CLIC5: variants seen among roughly 807,000 people sequenced by gnomAD.
CLIC5 encodes chloride intracellular channel protein 5.
A neutral mutation model predicts 24.7 loss-of-function variants in CLIC5; 20 were observed. The ratio of observed to expected loss-of-function variants is 0.81; its 90% CI spans 0.57 to 1.18. The LOEUF (loss-of-function observed/expected upper bound fraction) is 1.18, where lower values mean the gene tolerates loss of function less well. Ranked by LOEUF, CLIC5 falls within the 50% of genes most tolerant of loss-of-function variation. The pLI, the probability that CLIC5 is intolerant of heterozygous loss-of-function variation, is 0.00. For synonymous variants in CLIC5, 159 were observed against 135.6 expected, an observed-to-expected ratio of 1.17 and a Z score of -1.20; for missense variants, 341 against 326.1, an observed-to-expected ratio of 1.05 and a Z score of -0.35.
At chr6:46,040,900 G>T (rs995768558) in intron 1 of CLIC5, among the ~76,000 whole-genome samples, 1 of 152,162 alleles carries the variant, frequency 6.6e-6, no homozygotes, top group Non-Finnish European at 1.5e-5. Context: ...TCTACCAAAA[G>T]ATATGATATG....
upstream of CLIC5, among the ~76,000 whole-genome samples, chr6:46,016,972 C>T (rs1767034051): frequency 6.6e-6 from 1 of 152,236 alleles, no homozygotes; most frequent in Non-Finnish European, 1.5e-5. Flanking sequence ...AGGTGACTAT[C>T]ATGACTACTC....
intron 1 of CLIC5, among the ~76,000 whole-genome samples, chr6:45,960,848 G>T (rs1194301871): frequency 1.3e-5 from 2 of 152,152 alleles, no homozygotes. Flanking sequence ...GACCAGCTCT[G>T]GCCTGATCAA....
At chr6:46,019,357 G>A (rs1767108597), upstream of CLIC5, among the ~76,000 whole-genome samples, 2 of 152,188 alleles carry the variant, frequency 1.3e-5, no homozygotes, top group African/African-American at 4.8e-5. Flanking sequence ...TTAAAAGTAA[G>A]AGGATGGAAA....
chr6:46,116,540 T>A, the CLIC5 span, among the ~76,000 whole-genome samples: 1 of 152,186 alleles, frequency 6.6e-6, no homozygotes, highest in African/African-American at 2.4e-5. Flanking sequence ...TGAGAAGCTT[T>A]AAAGCAAGTA....
At chr6:45,977,222 C>G (rs1412902654) in intron 1 of CLIC5, among the ~76,000 whole-genome samples, 2 of 151,978 alleles carry the variant, frequency 1.3e-5, no homozygotes. Flanking sequence ...ATTTTGCATG[C>G]TTTTTCCTAT....
chr6:45,956,520 G>A (rs1052321537), intron 1 of CLIC5, among the ~76,000 whole-genome samples: 1 of 148,720 alleles, frequency 6.7e-6, no homozygotes, highest in African/African-American at 2.5e-5. Context: ...ATGCGTTCTC[G>A]AAGCTCAACA....
At chr6:46,062,597 C>T (rs1581911715) in intron 1 of CLIC5, among the ~76,000 whole-genome samples, 1 of 152,172 alleles carries the variant, frequency 6.6e-6, no homozygotes, top group Non-Finnish European at 1.5e-5. Flanking sequence ...AGTTTTCTAA[C>T]CTTTGTCCTC....
upstream of CLIC5, among the ~76,000 whole-genome samples, chr6:46,084,390 A>G (rs1236789311): frequency 1.3e-5 from 2 of 152,208 alleles, no homozygotes; most frequent in African/African-American, 4.8e-5. Flanking sequence ...ACATTTTGGC[A>G]TGATTTTGCA....
downstream of CLIC5, among the ~76,000 whole-genome samples, chr6:45,895,126 A>G (rs1047920020): frequency 6.6e-6 from 1 of 152,118 alleles, no homozygotes; most frequent in East Asian, 1.9e-4. Flanking sequence ...TTACCAGTAT[A>G]ATTTATTTTT....
At chr6:46,108,272 T>G in the CLIC5 span, among the ~76,000 whole-genome samples, 19 of 152,064 alleles carry the variant, frequency 1.2e-4, no homozygotes, top group Non-Finnish European at 2.2e-4. Flanking sequence ...TTGTGTAATA[T>G]TCATAAGAGA....
At chr6:45,981,922 T>C (rs1310818526) in intron 1 of CLIC5, among the ~76,000 whole-genome samples, 1 of 150,528 alleles carries the variant, frequency 6.6e-6, no homozygotes, top group Non-Finnish European at 1.5e-5. Flanking sequence ...CTCTTGAACC[T>C]GGGAGGCAGA....
At chr6:45,910,012 G>C (rs2127301330) in intron 5 of CLIC5, among the ~76,000 whole-genome samples, 1 of 152,274 alleles carries the variant, frequency 6.6e-6, no homozygotes, top group South Asian at 2.1e-4. Context: ...ACTCACTGTT[G>C]CAGACATGTT....
At chr6:45,996,928 T>C (rs949054717) in intron 1 of CLIC5, among the ~76,000 whole-genome samples, 10 of 152,054 alleles carry the variant, frequency 6.6e-5, no homozygotes, top group African/African-American at 1.4e-4. Flanking sequence ...AGTTCAACCA[T>C]TGTGGAAGTC....
downstream of CLIC5, among the ~76,000 whole-genome samples, chr6:45,897,842 T>G (rs1762414713): frequency 2.0e-5 from 3 of 152,036 alleles, no homozygotes; most frequent in Admixed American, 1.3e-4. Context: ...CTTTAAATCA[T>G]ACCTGGACTG....
intron 6 of CLIC5, among the ~76,000 whole-genome samples, chr6:45,885,830 A>G (rs1581702505): frequency 6.6e-6 from 1 of 152,298 alleles, no homozygotes; most frequent in Admixed American, 6.5e-5. Flanking sequence ...GAAACAGTAA[A>G]TGTGATTCCA....
chr6:45,946,194 C>T (rs1382599237), intron 3 of CLIC5, among the ~76,000 whole-genome samples: 4 of 152,204 alleles, frequency 2.6e-5, no homozygotes, highest in Admixed American at 6.5e-5. Flanking sequence ...ACTCTCAGTG[C>T]TGAATCCTAG....
At chr6:46,113,100 G>A in the CLIC5 span, among the ~76,000 whole-genome samples, 1 of 152,012 alleles carries the variant, frequency 6.6e-6, no homozygotes, top group African/African-American at 2.4e-5. Flanking sequence ...GGTTGTTAAG[G>A]ATGATGTATA....
At chr6:46,035,263 A>C (rs1256069951) in intron 1 of CLIC5, among the ~76,000 whole-genome samples, 7 of 152,212 alleles carry the variant, frequency 4.6e-5, no homozygotes, top group Non-Finnish European at 1.5e-5. Flanking sequence ...AGATAGCAGA[A>C]GTTTTCAAGC....
chr6:46,001,185 C>A (rs1430145184), intron 1 of CLIC5, among the ~76,000 whole-genome samples: 1 of 152,070 alleles, frequency 6.6e-6, no homozygotes, highest in East Asian at 1.9e-4. Context: ...AGAGATAGTC[C>A]ATGGTTTTTC....
Sources: allele counts gnomAD v4.1 joint callset (sites outside exome capture counted in the v4.1 genomes callset), GRCh38; gene constraint gnomAD v4.1.1; transcripts MANE v1.5; gene names NCBI Gene and HGNC (gene_info 2026-07-23, HGNC 2026-07-21).